The following ELFN1 variants were observed in gnomAD, a reference collection of about 807,000 sequenced individuals.
The protein encoded by ELFN1 is protein ELFN1.
ELFN1 carries 6 observed loss-of-function variants against 7.6 expected under a neutral mutation model. The ratio of observed to expected loss-of-function variants is 0.79; its 90% CI spans 0.43 to 1.56. ELFN1 has a LOEUF of 1.56. ELFN1 is among the 40% of genes most tolerant of loss of function. ELFN1 has a pLI of 0.01. For missense variants in ELFN1, 1,169 were observed against 1,232.2 expected (o/e 0.95, Z 0.77); for synonymous variants, 657 against 588.1 (o/e 1.12, Z -1.70).
intron 3 of ELFN1, among the ~76,000 whole-genome samples, chr7:1,723,176 A>G (rs1780075951): frequency 6.6e-6 from 1 of 152,178 alleles, no homozygotes; most frequent in Admixed American, 6.5e-5. Flanking sequence ...CCTGGGTGAC[A>G]AGAGTGAAAC....
chr7:1,733,546 A>G (rs2128599639), intron 3 of ELFN1, among the ~76,000 whole-genome samples: 1 of 152,128 alleles, frequency 6.6e-6, no homozygotes, highest in East Asian at 1.9e-4. Context: ...CTGTGGAAAC[A>G]TCCTGGTCAC....
rs747367815 is a variant in ELFN1, at chr7:1,735,198, C to A, written c.-293-9106C>A. Among the ~76,000 whole-genome samples the A allele has an allele frequency of 6.6e-6, 1 of 152,118 alleles. No individual in the cohort carries two copies. The highest frequency in any genetic ancestry group is 2.4e-5 in the African/African-American group (1 of 41,420). ...CGGGAGGTGCTGCACACCGGCGGAC[C>A]GTCGAGGAAACAGGAGCTTTTCTCT... is the stretch of plus-strand genomic sequence containing the variant. On this transcript the variant is annotated intron_variant, in intron 3 of 3. Transcript: ENST00000424383. The surrounding 1 kb of genome is among the most constrained non-coding windows in gnomAD (Gnocchi z 5.9).
chr7:1,741,747 T>TGAAC (rs1780621131), intron 3 of ELFN1, among the ~76,000 whole-genome samples: 1 of 151,990 alleles, frequency 6.6e-6, no homozygotes, highest in African/African-American at 2.4e-5. Flanking sequence ...CGTGCATGTG[T>TGAAC]GAACATGAGG....
Position 1,744,399 on chromosome 7 carries a change from C to T in ELFN1, c.-198C>T, listed in dbSNP as rs1562390053. 4 of 588,920 alleles carry T rather than the reference C, an allele frequency of 6.8e-6. No homozygotes were observed. The highest frequency in any genetic ancestry group is 2.0e-5 in the African/African-American group (1 of 50,180). The allele number at this position is 588,920 out of a possible 1,614,324, so 36.5% of individuals were successfully genotyped here. On this transcript the variant is annotated 5_prime_UTR_variant, in exon 4 of 4. It adds an upstream start codon to the 5' untranslated region. Coordinates refer to ENST00000424383, the MANE Select transcript of ELFN1 (RefSeq NM_001128636.4). Reference sequence around the variant, plus strand: ...GTCACCACAGGACTGGGGCGGAAGACGAGAGGCGGCCGGCCGTGAGGGAGG... The same window carrying T: ...GTCACCACAGGACTGGGGCGGAAGATGAGAGGCGGCCGGCCGTGAGGGAGG...
intron 3 of ELFN1, among the ~76,000 whole-genome samples, chr7:1,733,326 G>A (rs979653304): frequency 6.6e-6 from 1 of 152,198 alleles, no homozygotes; most frequent in Non-Finnish European, 1.5e-5. Flanking sequence ...GACCGTGTGA[G>A]CGAGGGCTGG....
chr7:1,746,660 C>G lies in ELFN1; in HGVS notation c.2064C>G (p.Ala688=). 7.3e-7 allele frequency: 1 copy of G among 1,370,438 alleles called. No homozygotes were observed. The highest frequency in any genetic ancestry group is 9.4e-7 in the Non-Finnish European group (1 of 1,067,858). The allele number at this position is 1,370,438 out of a possible 1,614,324, so 84.9% of individuals were successfully genotyped here. ...TCCTCACTGTGACACCCGCGGCCGC[C>G]GTGCTGCGGGCCGAGGCCGAGAAGG... ...DAILTVTPAA[A]VLRAEAEKGR... The change falls in exon 4 of 4, where the codon GCC becomes GCG. Residue 688 remains alanine (A), a synonymous_variant. Coordinates refer to ENST00000424383, the MANE Select transcript of ELFN1 (RefSeq NM_001128636.4).
intron 2 of ELFN1, among the ~76,000 whole-genome samples, chr7:1,697,824 G>A (rs1037160648): frequency 2.6e-5 from 4 of 152,202 alleles, no homozygotes; most frequent in African/African-American, 4.8e-5. Context: ...TCTCTCTTTC[G>A]CCCAGGCTGG....
chr7:1,744,540 C>T lies in ELFN1; in HGVS notation c.-57C>T, dbSNP rs1562390226. 4 of 1,433,722 alleles carry T rather than the reference C, an allele frequency of 2.8e-6. No individual in the cohort carries two copies. The highest frequency in any genetic ancestry group is 3.6e-6 in the Non-Finnish European group (4 of 1,098,894). 88.8% of individuals were successfully genotyped at this position (1,433,722 alleles called of 1,614,324 possible). A position where few individuals can be genotyped will look rare whatever the true frequency, so the allele number is the denominator to read the frequency against. On this transcript the variant is annotated 5_prime_UTR_variant, in exon 4 of 4. Transcript: ENST00000424383. ...CATCCCTCTGGGGGCTGGCGCCTGGCCCCCCACCTGGTCCCCCTGGGCAGG... is the reference window on the plus strand; with the variant it reads ...CATCCCTCTGGGGGCTGGCGCCTGGTCCCCCACCTGGTCCCCCTGGGCAGG...
intron 1 of ELFN1, among the ~76,000 whole-genome samples, chr7:1,675,580 T>C (rs1778853812): frequency 6.6e-6 from 1 of 152,246 alleles, no homozygotes; most frequent in East Asian, 1.9e-4. Context: ...GCCAGCCATG[T>C]GCCCGCCCCA....
In ELFN1 at chr7:1,743,951, G is replaced by A. The variant is rs1299203723; in HGVS notation, c.-293-353G>A. Among the ~76,000 whole-genome samples the A allele has an allele frequency of 3.3e-5, 5 of 152,206 alleles. No individual in the cohort carries two copies. In the East Asian group the frequency reaches 7.7e-4, roughly 23 times the overall value. ...TTATCCGACCGGGGTTGCGCCGAGAGTGAAATGGGCTTCAGGGACCTCGAT... is the reference window on the plus strand; with the variant it reads ...TTATCCGACCGGGGTTGCGCCGAGAATGAAATGGGCTTCAGGGACCTCGAT... On this transcript the variant is annotated intron_variant, in intron 3 of 3. Coordinates refer to ENST00000424383, the MANE Select transcript of ELFN1 (RefSeq NM_001128636.4).
upstream of ELFN1, among the ~76,000 whole-genome samples, chr7:1,668,319 C>G (rs1464446464): frequency 6.6e-6 from 1 of 152,244 alleles, no homozygotes; most frequent in Non-Finnish European, 1.5e-5. Flanking sequence ...CGCGGCTCCT[C>G]CGGGCAGGCG....
chr7:1,699,224 C>T (rs1187335491), intron 2 of ELFN1, among the ~76,000 whole-genome samples: 4 of 152,154 alleles, frequency 2.6e-5, no homozygotes, highest in Non-Finnish European at 5.9e-5. Context: ...TCTGGGCTAT[C>T]GTGGGTACTG....
intron 1 of ELFN1, among the ~76,000 whole-genome samples, chr7:1,687,478 C>G (rs1365705291): frequency 6.6e-6 from 1 of 152,062 alleles, no homozygotes; most frequent in African/African-American, 2.4e-5. Context: ...AGAAGCCCCC[C>G]ACCCCATCTC....
intron 3 of ELFN1, among the ~76,000 whole-genome samples, chr7:1,732,916 T>C (rs767177731): frequency 1.1e-4 from 17 of 152,154 alleles, no homozygotes; most frequent in Non-Finnish European, 2.1e-4. Flanking sequence ...TTTTTTCTTT[T>C]TTGAGACAGA....
intron 1 of ELFN1, among the ~76,000 whole-genome samples, chr7:1,681,699 C>T (rs1337362361): frequency 6.6e-6 from 1 of 152,204 alleles, no homozygotes. Flanking sequence ...CTGGCCGGAC[C>T]ATGTTACATT....
intron 2 of ELFN1, among the ~76,000 whole-genome samples, chr7:1,688,999 A>T (rs1342804712): frequency 6.6e-6 from 1 of 152,242 alleles, no homozygotes; most frequent in Admixed American, 6.5e-5. Flanking sequence ...AAATGCATTT[A>T]ATACCCCAAT....
upstream of ELFN1, among the ~76,000 whole-genome samples, chr7:1,670,177 G>A (rs1356858939): frequency 2.7e-5 from 4 of 148,062 alleles, no homozygotes; most frequent in Admixed American, 6.6e-5. This position sits in a 1 kb window ranked among gnomAD's most constrained non-coding sequence, Gnocchi z 6.4. Context: ...GAGGGAAGGG[G>A]GGCGGGAGGG....
intron 1 of ELFN1, among the ~76,000 whole-genome samples, chr7:1,686,311 GTTTTT>G (rs1202953401): frequency 1.8e-5 from 2 of 113,960 alleles, no homozygotes; most frequent in Non-Finnish European, 3.6e-5. Flanking sequence ...GTTTGTCCTT[GTTTTT>G]TTTTTTTTTT....
At chr7:1,728,577 A>G (rs1177352131) in intron 3 of ELFN1, among the ~76,000 whole-genome samples, 3 of 152,218 alleles carry the variant, frequency 2.0e-5, no homozygotes, top group Non-Finnish European at 4.4e-5. Context: ...GGCTTTGCTC[A>G]GACCCCCCAC....
Sources: gnomAD v4.1 joint callset for allele counts (sites outside exome capture counted in the v4.1 genomes callset) on GRCh38, gnomAD v4.1.1 for gene constraint, Gnocchi (gnomAD v3.1) non-coding constraint, MANE v1.5 for transcripts, NCBI Gene and HGNC (gene_info 2026-07-23, HGNC 2026-07-21) for gene names.